ZMIZ1: variants seen among roughly 807,000 people sequenced by gnomAD.
ZMIZ1 encodes the protein zinc finger MIZ-type containing 1.
Under a neutral mutation model 113.9 loss-of-function variants are expected in ZMIZ1, and 17 were observed. That is an observed-to-expected ratio of 0.15 (90% CI 0.10 to 0.22). ZMIZ1 has a LOEUF of 0.22. Among genes scored for constraint, ZMIZ1 ranks in the 10% least tolerant of loss-of-function variants. ZMIZ1 has a pLI of 1.00. For missense variants in ZMIZ1, 1,059 were observed against 1,477.8 expected, an observed-to-expected ratio of 0.72 and a Z score of 4.65; for synonymous variants, 607 against 603.1, an observed-to-expected ratio of 1.01 and a Z score of -0.09.
At chr10:79,220,642 G>T (rs544696102) in intron 7 of ZMIZ1, among the ~76,000 whole-genome samples, 9 of 152,254 alleles carry the variant, frequency 5.9e-5, no homozygotes, top group African/African-American at 2.2e-4. Context: ...TTTGGTCTTG[G>T]GTGTCTGTAG....
intron 7 of ZMIZ1, among the ~76,000 whole-genome samples, chr10:79,268,368 C>G (rs1490204434): frequency 6.6e-6 from 1 of 152,252 alleles, no homozygotes; most frequent in Non-Finnish European, 1.5e-5. Context: ...AGATTCCTTT[C>G]AGAACCCTGT....
intron 1 of ZMIZ1, among the ~76,000 whole-genome samples, chr10:79,096,451 G>C (rs943252767): frequency 6.6e-6 from 1 of 152,188 alleles, no homozygotes; most frequent in Non-Finnish European, 1.5e-5. Flanking sequence ...GGCGGAGCTT[G>C]CAGTGAGCCG....
intron 4 of ZMIZ1, among the ~76,000 whole-genome samples, chr10:79,163,708 AGCATGGGAGCT>A (rs1369201556): frequency 6.6e-6 from 1 of 152,246 alleles, no homozygotes; most frequent in Admixed American, 6.5e-5. Context: ...CCCCAGGACA[AGCATGGGAGCT>A]GCTTGGGGAA....
chr10:79,170,594 G>A (rs1846555306), intron 4 of ZMIZ1, among the ~76,000 whole-genome samples: 1 of 152,224 alleles, frequency 6.6e-6, no homozygotes, highest in South Asian at 2.1e-4. Context: ...ATCACTAACT[G>A]GTACCTACTG....
At position 79,202,056 on chromosome 10, in the gene ZMIZ1, C is replaced by CAAA. The variant is rs55985942; in HGVS notation, c.60+385_60+387dup. 1.2e-3 allele frequency among the ~76,000 whole-genome samples: 88 copies of CAAA among 71,910 alleles called. 4 individuals carry two copies. The highest frequency in any genetic ancestry group is 4.5e-3 in the African/African-American group (79 of 17,504). The allele number at this position is 71,910 out of a possible 152,430, so 47.2% of individuals were successfully genotyped here. A position where few individuals can be genotyped will look rare whatever the true frequency, so the allele number is the denominator to read the frequency against. On this transcript the variant is annotated intron_variant, in intron 5 of 24. Transcript: ENST00000334512. ...CCTGCCCCTTTGCTCCAGTCGTTCT[C>CAAA]AAAAAAAAAAAAAAAAAAAAAAAGT...
At chr10:79,075,577 ATGCACACATGCACACC>A (rs969966585) in intron 1 of ZMIZ1, among the ~76,000 whole-genome samples, 2 of 28,888 alleles carry the variant, frequency 6.9e-5, no homozygotes, top group Non-Finnish European at 1.4e-4. Flanking sequence ...ATGCACACAC[ATGCACACATGCACACC>A]TGCACACATG....
At chr10:79,070,837 C>T (rs1842251557) in intron 1 of ZMIZ1, among the ~76,000 whole-genome samples, 1 of 133,994 alleles carries the variant, frequency 7.5e-6, no homozygotes. Context: ...TGCCCGCCTG[C>T]CTCCCTCCCT....
chr10:79,109,883 C>T (rs1049098887), intron 1 of ZMIZ1, among the ~76,000 whole-genome samples: 2 of 152,252 alleles, frequency 1.3e-5, no homozygotes, highest in African/African-American at 4.8e-5. Context: ...CAAGTTCCTT[C>T]CCCCAGCAGA....
rs573717296 is a variant in ZMIZ1, at chr10:79,190,063, C to T, written c.-49-11521C>T. Reference sequence around the variant, plus strand: ...GCTCCCACCCCCGGATCTAGGGATGCTAGAAATCTCCATAGGGAGCTGTGG... The same window carrying T: ...GCTCCCACCCCCGGATCTAGGGATGTTAGAAATCTCCATAGGGAGCTGTGG... On this transcript the variant is annotated intron_variant, in intron 4 of 24. Transcript: ENST00000334512. 2.0e-3 allele frequency among the ~76,000 whole-genome samples: 301 copies of T among 152,326 alleles called. 2 individuals carry two copies. Among genetic ancestry groups the T allele is most frequent in the African/African-American group, 7.0e-3 (292 of 41,574 alleles).
At chr10:79,261,200 G>A (rs1009140743) in intron 7 of ZMIZ1, among the ~76,000 whole-genome samples, 5 of 152,310 alleles carry the variant, frequency 3.3e-5, no homozygotes, top group East Asian at 1.9e-4. Flanking sequence ...TTTTTGACCC[G>A]GCCGGCCCCT....
At chr10:79,190,324 G>A (rs1847545526) in intron 4 of ZMIZ1, among the ~76,000 whole-genome samples, 1 of 152,186 alleles carries the variant, frequency 6.6e-6, no homozygotes, top group Non-Finnish European at 1.5e-5. Flanking sequence ...GGGCTCCTGA[G>A]GCCTGGGTGT....
chr10:79,270,936 A>G (rs1473622939), intron 7 of ZMIZ1, among the ~76,000 whole-genome samples: 1 of 152,164 alleles, frequency 6.6e-6, no homozygotes, highest in African/African-American at 2.4e-5. Context: ...TCCTAGGGAA[A>G]GAAGAAGTAA....
chr10:79,306,564 G>A (rs561429987), intron 22 of ZMIZ1, among the ~76,000 whole-genome samples: 2 of 152,210 alleles, frequency 1.3e-5, no homozygotes, highest in Non-Finnish European at 2.9e-5. Flanking sequence ...ATAGACTGCT[G>A]CCTCTTCCCT....
At chr10:79,229,322 C>G (rs1298633311) in intron 7 of ZMIZ1, among the ~76,000 whole-genome samples, 1 of 152,230 alleles carries the variant, frequency 6.6e-6, no homozygotes, top group African/African-American at 2.4e-5. Context: ...CTGTGCTGTT[C>G]TGAGCCCAGA....
At chr10:79,311,248 GAA>G in intron 24 of ZMIZ1, 64 bp downstream of exon 24, 1 of 1,296,348 alleles carries the variant, frequency 7.7e-7, no homozygotes, top group Non-Finnish European at 1.0e-6. Flanking sequence ...CTGCCCGAGA[GAA>G]GGGGTGGGTG....
chr10:79,180,100 G>A (rs1257598526), intron 4 of ZMIZ1, among the ~76,000 whole-genome samples: 2 of 152,224 alleles, frequency 1.3e-5, no homozygotes, highest in Non-Finnish European at 2.9e-5. Context: ...GGAGACAGGT[G>A]GAGAGAACAA....
intron 4 of ZMIZ1, among the ~76,000 whole-genome samples, chr10:79,185,969 C>T (rs1847334696): frequency 6.6e-6 from 1 of 152,108 alleles, no homozygotes; most frequent in African/African-American, 2.4e-5. Context: ...GAGTCCCAGC[C>T]AGGCCCGATG....
At chr10:79,253,033 T>A (rs1312413109) in intron 7 of ZMIZ1, among the ~76,000 whole-genome samples, 1 of 151,862 alleles carries the variant, frequency 6.6e-6, no homozygotes, top group Non-Finnish European at 1.5e-5. Context: ...AAAAGACACA[T>A]CCCCTCCCCT....
intron 4 of ZMIZ1, among the ~76,000 whole-genome samples, chr10:79,186,820 G>T (rs555895307): frequency 2.0e-5 from 3 of 152,186 alleles, no homozygotes; most frequent in Middle Eastern, 3.2e-3. Context: ...CGTGCCACCC[G>T]CCAGGCTGAC....
Sources: gnomAD v4.1 joint callset for allele counts (sites outside exome capture counted in the v4.1 genomes callset) on GRCh38, gnomAD v4.1.1 for gene constraint, MANE v1.5 for transcripts, NCBI Gene and HGNC (gene_info 2026-07-23, HGNC 2026-07-21) for gene names.